The following VAV3 variants were observed in gnomAD, a reference collection of about 807,000 sequenced individuals.
VAV3 encodes the protein vav guanine nucleotide exchange factor 3.
In VAV3, 94 loss-of-function variants were observed where a neutral mutation model predicts 131.2. The ratio of observed to expected loss-of-function variants is 0.72; its 90% CI spans 0.61 to 0.85. The LOEUF (loss-of-function observed/expected upper bound fraction) is 0.85. Among genes scored for constraint, VAV3 ranks in the 40% least tolerant of loss-of-function variants. The probability of loss-of-function intolerance (pLI) is 0.00; values close to 1 mark genes in which losing one functional copy is unlikely to be tolerated. For synonymous variants in VAV3, 349 were observed against 342.0 expected (o/e 1.02, Z -0.22); for missense variants, 939 against 1,002.7 (o/e 0.94, Z 0.86).
At chr1:107,638,487 T>C (rs1306856117) in intron 20 of VAV3, among the ~76,000 whole-genome samples, 1 of 152,160 alleles carries the variant, frequency 6.6e-6, no homozygotes, top group Non-Finnish European at 1.5e-5. Context: ...AAGATGTATA[T>C]GACCTTAACT....
intron 1 of VAV3, among the ~76,000 whole-genome samples, chr1:107,898,186 G>A (rs1309870445): frequency 4.0e-5 from 6 of 151,886 alleles, no homozygotes; most frequent in Admixed American, 6.6e-5. Flanking sequence ...GTATCATCAC[G>A]TGAATACATA....
chr1:107,785,541 G>A, intron 2 of VAV3: 1 of 1,271,364 alleles, frequency 7.9e-7, no homozygotes, highest in African/African-American at 1.6e-5. Context: ...TCAAGAAGGG[G>A]TCCACGGCAT....
intron 19 of VAV3, chr1:107,669,399 C>A (rs1392410160): frequency 7.8e-7 from 1 of 1,289,512 alleles, no homozygotes; most frequent in Non-Finnish European, 1.0e-6. Context: ...ATTTCTTGTT[C>A]TTCTTTTGGC....
intron 2 of VAV3, among the ~76,000 whole-genome samples, chr1:107,813,671 C>T (rs4612651): frequency 0.28 from 42,484 of 152,008 alleles, 6,921 homozygotes; most frequent in Non-Finnish European, 0.37. Context: ...ACTATACTCA[C>T]TCTACTTTGC....
chr1:107,671,843 C>T (rs1657821559), intron 19 of VAV3, among the ~76,000 whole-genome samples: 1 of 152,034 alleles, frequency 6.6e-6, no homozygotes, highest in South Asian at 2.1e-4. Context: ...AACGTAATTT[C>T]CTATATATAC....
chr1:107,854,899 C>A (rs1000502912), intron 2 of VAV3, among the ~76,000 whole-genome samples: 1 of 152,190 alleles, frequency 6.6e-6, no homozygotes, highest in African/African-American at 2.4e-5. Flanking sequence ...ACATAATAAT[C>A]CCACAATGGT....
At chr1:107,716,211 C>G (rs751667011) in intron 15 of VAV3, among the ~76,000 whole-genome samples, 10 of 152,104 alleles carry the variant, frequency 6.6e-5, no homozygotes, top group Non-Finnish European at 1.2e-4. Flanking sequence ...TATCAACAAT[C>G]AAAACCAAAA....
chr1:107,637,012 G>GA (rs1351201022), intron 20 of VAV3, among the ~76,000 whole-genome samples: 1 of 151,828 alleles, frequency 6.6e-6, no homozygotes, highest in African/African-American at 2.4e-5. Flanking sequence ...GATGATAGGG[G>GA]AAAAAAACAA....
intron 1 of VAV3, among the ~76,000 whole-genome samples, chr1:107,927,167 GACA>G (rs1196468677): frequency 6.6e-6 from 1 of 151,926 alleles, no homozygotes; most frequent in African/African-American, 2.4e-5. Context: ...CTAGCTCCTG[GACA>G]ACATTTCTAG....
chr1:107,595,849 C>T (rs114565537), intron 25 of VAV3, among the ~76,000 whole-genome samples: 1,552 of 152,164 alleles, frequency 0.01, 25 homozygotes, highest in African/African-American at 0.035. Context: ...GTGTACCAGC[C>T]CTGCTTAAAT....
At chr1:107,641,772 C>T (rs1045213565) in intron 20 of VAV3, among the ~76,000 whole-genome samples, 4 of 152,014 alleles carry the variant, frequency 2.6e-5, no homozygotes, top group African/African-American at 9.7e-5. Flanking sequence ...ATATTAAAGC[C>T]ATGCAAATTA....
At chr1:107,595,809 G>T (rs919556874) in intron 25 of VAV3, among the ~76,000 whole-genome samples, 17 of 152,138 alleles carry the variant, frequency 1.1e-4, no homozygotes, top group Non-Finnish European at 1.8e-4. Flanking sequence ...ACCATAAGCA[G>T]ATTTGAGATA....
chr1:107,942,983 G>A (rs899766781), intron 1 of VAV3, among the ~76,000 whole-genome samples: 3 of 152,096 alleles, frequency 2.0e-5, no homozygotes, highest in African/African-American at 4.8e-5. Flanking sequence ...CTTCTGTTGG[G>A]GTATTAGAAC....
chr1:107,817,070 G>A (rs1357694186), intron 2 of VAV3, among the ~76,000 whole-genome samples: 1 of 152,188 alleles, frequency 6.6e-6, no homozygotes, highest in Non-Finnish European at 1.5e-5. Context: ...GACTCTAGAG[G>A]TGCTAAGGTA....
chr1:107,669,221 T>C, intron 19 of VAV3: 2 of 1,175,994 alleles, frequency 1.7e-6, no homozygotes, highest in Non-Finnish European at 2.1e-6. Flanking sequence ...TACTTTGAAT[T>C]AAAACATGAA....
intron 10 of VAV3, among the ~76,000 whole-genome samples, chr1:107,758,036 C>G (rs1263885664): frequency 6.6e-6 from 1 of 152,156 alleles, no homozygotes; most frequent in Admixed American, 6.5e-5. Context: ...CCCCTCAAAT[C>G]CAACATTCCC....
intron 15 of VAV3, among the ~76,000 whole-genome samples, chr1:107,732,242 C>T (rs568322651): frequency 6.6e-6 from 1 of 152,268 alleles, no homozygotes; most frequent in South Asian, 2.1e-4. Context: ...CTTGGGCAGC[C>T]GTTTCAAGAT....
chr1:107,598,396 A>C (rs1037976221), intron 24 of VAV3, among the ~76,000 whole-genome samples: 39 of 152,144 alleles, frequency 2.6e-4, no homozygotes, highest in African/African-American at 7.5e-4. Flanking sequence ...CACACACACA[A>C]AAAACAGGGA....
Position 107,574,108 on chromosome 1 carries a change from A to G in VAV3, c.2441T>C (p.Val814Ala). ...MRELSLLKGD[V>A]VKIYTKMSAN... is the part of the protein sequence containing the mutation. ...ACTCATCTTTGTGTAAATCTTCACC[A>G]CATCTCCTTTCAACAAGGACAACTC... is the stretch of plus-strand genomic sequence containing the variant. The change falls in exon 26 of 27, where the codon GTG becomes GCG. Residue 814 changes from valine to alanine, a missense_variant. Coordinates refer to ENST00000370056, the MANE Select transcript of VAV3 (RefSeq NM_006113.5). The G allele has an allele frequency of 6.2e-7, 1 of 1,614,164 alleles. No homozygotes were observed. The highest frequency in any genetic ancestry group is 8.5e-7 in the Non-Finnish European group (1 of 1,180,012).
Sources: allele counts gnomAD v4.1 joint callset (sites outside exome capture counted in the v4.1 genomes callset), GRCh38; gene constraint gnomAD v4.1.1; transcripts MANE v1.5; gene names NCBI Gene and HGNC (gene_info 2026-07-23, HGNC 2026-07-21).